The following MIEF1 variants were observed in gnomAD, a reference collection of about 807,000 sequenced individuals.
MIEF1 encodes the protein mitochondrial dynamics protein MIEF1.
In MIEF1, 14 loss-of-function variants were observed where a neutral mutation model predicts 35.1. The observed-to-expected ratio is 0.40, with a 90% CI of 0.26 to 0.62. MIEF1 has a LOEUF of 0.62. Among genes scored for constraint, MIEF1 ranks in the 20% least tolerant of loss-of-function variants. The pLI is 0.43. For synonymous variants in MIEF1, 245 were observed against 254.3 expected (o/e 0.96, Z 0.35); for missense variants, 542 against 615.4 (o/e 0.88, Z 1.26).
At chr22:39,512,518 G>A (rs781425461) in intron 5 of MIEF1, 24 bp downstream of exon 5, 21 of 1,591,286 alleles carry the variant, frequency 1.3e-5, no homozygotes, top group East Asian at 2.2e-5. Context: ...TCTCATGGTG[G>A]GTGGGGTTTG....
intron 2 of MIEF1, among the ~76,000 whole-genome samples, chr22:39,507,729 G>C (rs950770310): frequency 6.6e-6 from 1 of 151,806 alleles, no homozygotes; most frequent in Non-Finnish European, 1.5e-5. Context: ...GCAGGGTGTG[G>C]TGGCTCATGC....
rs1398722311 is a variant in MIEF1 at position 39,504,222 on chromosome 22, C to G, written c.-320C>G. The G allele has an allele frequency of 5.0e-6, 2 of 399,446 alleles. No homozygotes were observed. The highest frequency in any genetic ancestry group is 8.8e-6 in the Non-Finnish European group (2 of 226,368). 24.7% of individuals were successfully genotyped at this position (399,446 alleles called of 1,614,324 possible). On this transcript the variant is annotated 5_prime_UTR_variant, in exon 2 of 6. Transcript: ENST00000325301. The stretch of plus-strand genomic sequence containing the variant: ...TTATAGTGTGACACCCAGCCCCTGC[C>G]AGTCCCCCATGGCCCCGTGGAGCCG...
At position 39,512,210 on chromosome 22, in the gene MIEF1, CCT is replaced by C; in HGVS notation, c.323-13_323-12del. Reference sequence around the variant, plus strand: ...AGCAGGCATGGGCAGAGCTCACGTGCCTCTCTCTCTTGCCTTGGCAGATACAT... The same window carrying C: ...AGCAGGCATGGGCAGAGCTCACGTGCCTCTCTCTTGCCTTGGCAGATACAT... On this transcript the variant is annotated intron_variant, in intron 4 of 5. Coordinates refer to ENST00000325301, the MANE Select transcript of MIEF1 (RefSeq NM_019008.6). 6.2e-7 allele frequency: 1 copy of C among 1,606,328 alleles called. No homozygotes were observed. The highest frequency in any genetic ancestry group is 8.5e-7 in the Non-Finnish European group (1 of 1,178,002).
At chr22:39,502,612 C>T (rs1389240417) in intron 1 of MIEF1, among the ~76,000 whole-genome samples, 175 bp downstream of exon 1, 1 of 152,166 alleles carries the variant, frequency 6.6e-6, no homozygotes, top group Non-Finnish European at 1.5e-5. Context: ...CCCTCGGCTG[C>T]CCCGCCCCGC....
rs931071154 is a variant in MIEF1, at chr22:39,502,401, G to T, written c.-376G>T. On this transcript the variant is annotated 5_prime_UTR_variant, in exon 1 of 6. Transcript: ENST00000325301. ...CCCGGGGAGAGGTACCCGGCCAGAGGCGAGTCCTGCGGAGTGGTAGCGCGC... is the reference window on the plus strand; with the variant it reads ...CCCGGGGAGAGGTACCCGGCCAGAGTCGAGTCCTGCGGAGTGGTAGCGCGC... 1 of 152,394 alleles carries T rather than the reference G, an allele frequency of 6.6e-6. No homozygotes were observed. The highest frequency in any genetic ancestry group is 1.9e-4 in the East Asian group (1 of 5,200). The allele number at this position is 152,394 out of a possible 1,614,324, so 9.4% of individuals were successfully genotyped here.
Position 39,512,368 on chromosome 22 carries a change from G to A in MIEF1, c.459G>A (p.Glu153=), listed in dbSNP as rs1232704308. Reference sequence around the variant, plus strand: ...ACCGGGCAGCCATCCCTGCTGGAGAGCAGGCTCGGGCCAAGCAAGCTGCTG... The same window carrying A: ...ACCGGGCAGCCATCCCTGCTGGAGAACAGGCTCGGGCCAAGCAAGCTGCTG... ...YRNRAAIPAG[E]QARAKQAAVD... Residue 153 remains glutamate, a synonymous_variant, in exon 5 of 6, where the codon GAG becomes GAA. Transcript: ENST00000325301. 1 of 1,614,232 alleles carries A rather than the reference G, an allele frequency of 6.2e-7. No individual in the cohort carries two copies. The highest frequency in any genetic ancestry group is 8.5e-7 in the Non-Finnish European group (1 of 1,180,052).
rs575265789 is a variant in MIEF1, at chr22:39,515,305, T to C, written c.*982T>C. 255 of 717,660 alleles carry C rather than the reference T, an allele frequency of 3.6e-4. 1 individual carries two copies. The Middle Eastern group carries it at 4.8e-3, about 14-fold the overall frequency. 44.5% of individuals were successfully genotyped at this position (717,660 alleles called of 1,614,324 possible). On this transcript the variant is annotated 3_prime_UTR_variant, in exon 6 of 6. Transcript: ENST00000325301. ...GGTAGACAGTCGACTGAATGTCAGC[T>C]GGAAAATCCAGTCACTAGTTGGGGT...
intron 1 of MIEF1, chr22:39,503,466 C>G (rs1388624811): frequency 3.3e-5 from 5 of 152,174 alleles, no homozygotes; most frequent in East Asian, 3.9e-4. Flanking sequence ...TACAGATATG[C>G]TTGTGTAAGG....
intron 5 of MIEF1, among the ~76,000 whole-genome samples, 167 bp from the exon 6 acceptor site, chr22:39,513,350 C>T (rs754977395): frequency 2.0e-5 from 3 of 152,150 alleles, no homozygotes; most frequent in East Asian, 3.8e-4. Flanking sequence ...GTGAGCCAGC[C>T]GCCTCAGCTT....
At position 39,514,489 on chromosome 22, in the gene MIEF1, ATTTTGTTACCCAACTCTTCCTAT is replaced by A; in HGVS notation, c.*177_*199del. ...TAGAATGACATCTCTTTCGTCTCCT[ATTTTGTTACCCAACTCTTCCTAT>A]TTTTGTTACCAATCACTGTGCTCTC... On this transcript the variant is annotated 3_prime_UTR_variant, in exon 6 of 6. Transcript: ENST00000325301. The A allele has an allele frequency of 1.5e-6, 1 of 667,372 alleles. No homozygotes were observed. The highest frequency in any genetic ancestry group is 2.5e-6 in the Non-Finnish European group (1 of 398,190). 41.3% of individuals were successfully genotyped at this position (667,372 alleles called of 1,614,324 possible).
upstream of MIEF1, among the ~76,000 whole-genome samples, chr22:39,500,690 TTTC>T: frequency 6.6e-6 from 1 of 151,778 alleles, no homozygotes; most frequent in Admixed American, 6.6e-5. Flanking sequence ...TTGGTTTTCT[TTTC>T]TTTTCTTTTT....
intron 2 of MIEF1, among the ~76,000 whole-genome samples, chr22:39,508,398 C>CT (rs1930158325): frequency 6.6e-6 from 1 of 152,198 alleles, no homozygotes; most frequent in Non-Finnish European, 1.5e-5. Flanking sequence ...AGGAGGTGCC[C>CT]TTCTGGCCCT....
intron 2 of MIEF1, among the ~76,000 whole-genome samples, chr22:39,507,925 A>G (rs547588430): frequency 3.3e-4 from 50 of 152,286 alleles, no homozygotes; most frequent in Middle Eastern, 3.4e-3. Flanking sequence ...CGAATTTTCA[A>G]GGCCGTTTTA....
intron 2 of MIEF1, among the ~76,000 whole-genome samples, chr22:39,505,866 A>G (rs989997072): frequency 6.6e-6 from 1 of 152,142 alleles, no homozygotes; most frequent in African/African-American, 2.4e-5. Flanking sequence ...GGAGAGAGAA[A>G]GATGAAGAGT....
At chr22:39,509,403 C>T (rs1691007428) in intron 2 of MIEF1, 1 of 152,276 alleles carries the variant, frequency 6.6e-6, no homozygotes, top group Non-Finnish European at 1.5e-5. Context: ...ATCACACTGT[C>T]ATCCTTTATC....
At chr22:39,503,963 G>T in intron 1 of MIEF1, 1 of 340,616 alleles carries the variant, frequency 2.9e-6, no homozygotes, top group Non-Finnish European at 5.3e-6. Flanking sequence ...TTTGCCCAAA[G>T]TCATATGGCA....
In MIEF1 at chr22:39,504,445, A is replaced by G. The variant is rs1929914844; in HGVS notation, c.-97A>G. ...GGCAAATTGGGGAGGATCATTTAGG[A>G]TCCTCCAAGGGAAAGAGGACAAAGG... On this transcript the variant is annotated 5_prime_UTR_variant, in exon 2 of 6. Transcript: ENST00000325301. 2.5e-6 allele frequency: 1 copy of G among 398,990 alleles called. No individual in the cohort carries two copies. The highest frequency in any genetic ancestry group is 2.1e-5 in the African/African-American group (1 of 48,732). 24.7% of individuals were successfully genotyped at this position (398,990 alleles called of 1,614,324 possible).
In MIEF1 at chr22:39,512,045, C is replaced by T. The variant is rs779504663; in HGVS notation, c.322+19C>T. The T allele has an allele frequency of 6.2e-7, 1 of 1,603,886 alleles. No individual in the cohort carries two copies. Among genetic ancestry groups the T allele is most frequent in the Non-Finnish European group, 8.5e-7 (1 of 1,174,414 alleles). On this transcript the variant is annotated intron_variant, in intron 4 of 5. Coordinates refer to ENST00000325301, the MANE Select transcript of MIEF1 (RefSeq NM_019008.6). ...GACACAGGTGAGAAGGGCTGCTGCCCCTCCTGGGACCTCTCTGGACTTTCA... is the reference window on the plus strand; with the variant it reads ...GACACAGGTGAGAAGGGCTGCTGCCTCTCCTGGGACCTCTCTGGACTTTCA...
At chr22:39,513,425 G>C (rs529124639) in intron 5 of MIEF1, 92 bp from the exon 6 acceptor site, 1 of 1,313,020 alleles carries the variant, frequency 7.6e-7, no homozygotes, top group Non-Finnish European at 1.1e-6. Context: ...TTCTTGCTGG[G>C]GGGGAATGTA....
Sources: gnomAD v4.1 joint callset for allele counts (sites outside exome capture counted in the v4.1 genomes callset) on GRCh38, gnomAD v4.1.1 for gene constraint, MANE v1.5 for transcripts, NCBI Gene and HGNC (gene_info 2026-07-23, HGNC 2026-07-21) for gene names.